OR3A2: variants seen among roughly 807,000 people sequenced by gnomAD.
The protein encoded by OR3A2 is olfactory receptor 3A2.
For missense variants in OR3A2, 318 were observed against 392.8 expected (o/e 0.81, Z 1.61); for synonymous variants, 126 against 159.3 (o/e 0.79, Z 1.57).
At chr17:3,326,068 G>T (rs1371072145) in intron 3 of OR3A2, among the ~76,000 whole-genome samples, 1 of 152,034 alleles carries the variant, frequency 6.6e-6, no homozygotes, top group Non-Finnish European at 1.5e-5. Flanking sequence ...GCATTAGTTT[G>T]CTAAGGATAA....
chr17:3,371,599 T>C (rs1228135501), intron 2 of OR3A2, among the ~76,000 whole-genome samples: 39 of 93,510 alleles, frequency 4.2e-4, no homozygotes, highest in South Asian at 1.2e-3. Context: ...CCGGACGGGG[T>C]GGCTGGCCGG....
intron 3 of OR3A2, chr17:3,309,943 A>G (rs758065395): frequency 5.3e-5 from 11 of 208,584 alleles, no homozygotes; most frequent in South Asian, 8.9e-5. Flanking sequence ...GTGTACCTCA[A>G]CTATGGCCAT....
intron 2 of OR3A2, among the ~76,000 whole-genome samples, chr17:3,367,183 G>T (rs910952273): frequency 6.6e-6 from 1 of 152,020 alleles, no homozygotes; most frequent in Non-Finnish European, 1.5e-5. Flanking sequence ...CAAGTTCTGT[G>T]ACTTTTGGCA....
At chr17:3,348,001 G>A (rs1245196065) in intron 2 of OR3A2, among the ~76,000 whole-genome samples, 11 of 152,098 alleles carry the variant, frequency 7.2e-5, no homozygotes, top group Non-Finnish European at 1.3e-4. Flanking sequence ...GCCAGTGATG[G>A]TGAGCATTTT....
At chr17:3,282,375 C>T (rs528300661) in intron 1 of OR3A2, among the ~76,000 whole-genome samples, 12 of 152,030 alleles carry the variant, frequency 7.9e-5, no homozygotes, top group South Asian at 6.2e-4. Flanking sequence ...CACTGCACTC[C>T]GGCCTGGGCG....
intron 3 of OR3A2, among the ~76,000 whole-genome samples, chr17:3,322,308 C>G (rs1567554163): frequency 6.6e-6 from 1 of 151,816 alleles, no homozygotes; most frequent in South Asian, 2.1e-4. Flanking sequence ...TTTTGTTGAT[C>G]TTTTCAAAAA....
At chr17:3,305,070 G>A (rs966309883) in intron 3 of OR3A2, among the ~76,000 whole-genome samples, 1 of 152,180 alleles carries the variant, frequency 6.6e-6, no homozygotes, top group African/African-American at 2.4e-5. Context: ...TTTGGTAAGT[G>A]TATGCATTTG....
At chr17:3,310,883 C>T (rs756724168) in intron 3 of OR3A2, 2 of 967,496 alleles carry the variant, frequency 2.1e-6, no homozygotes, top group Non-Finnish European at 1.5e-6. Flanking sequence ...TCCAGCTCTC[C>T]TGCTCCAGTG....
chr17:3,319,694 A>AG (rs1223326746), intron 3 of OR3A2, among the ~76,000 whole-genome samples: 4 of 152,204 alleles, frequency 2.6e-5, no homozygotes, highest in South Asian at 4.1e-4. Context: ...GTCCCTACAA[A>AG]GGACATGAAC....
intron 2 of OR3A2, among the ~76,000 whole-genome samples, chr17:3,342,627 T>C (rs1035945305): frequency 3.3e-5 from 5 of 152,142 alleles, no homozygotes; most frequent in African/African-American, 9.7e-5. Flanking sequence ...ACAGCAAATA[T>C]TGCTGCCCGA....
At chr17:3,317,282 C>T (rs2049088023) in intron 3 of OR3A2, among the ~76,000 whole-genome samples, 1 of 152,142 alleles carries the variant, frequency 6.6e-6, no homozygotes, top group Non-Finnish European at 1.5e-5. Flanking sequence ...GAAACATCAG[C>T]CAGAAAATAT....
chr17:3,347,234 GTCT>G (rs1482549552), intron 2 of OR3A2, among the ~76,000 whole-genome samples: 5 of 79,918 alleles, frequency 6.3e-5, no homozygotes, highest in Non-Finnish European at 8.5e-5. Flanking sequence ...CCATTTGTAT[GTCT>G]TCTTTTTTTT....
chr17:3,326,140 A>G (rs1442869271), intron 3 of OR3A2, among the ~76,000 whole-genome samples: 1 of 152,114 alleles, frequency 6.6e-6, no homozygotes, highest in Admixed American at 6.6e-5. Flanking sequence ...CTATGGCTGC[A>G]TAGTATATCA....
At chr17:3,376,553 T>A (rs1314313424) in intron 2 of OR3A2, among the ~76,000 whole-genome samples, 1 of 152,024 alleles carries the variant, frequency 6.6e-6, no homozygotes, top group Non-Finnish European at 1.5e-5. Flanking sequence ...ATCATACATA[T>A]CACCAGGGAA....
In OR3A2 at chr17:3,277,646, A is replaced by G. The variant is rs916557125; in HGVS notation, c.*324T>C. ...CATATTAACATCTTTGTTCATCTCT[A>G]TAGAAACTATCATCATGTGGTATAT... On this transcript the variant is annotated 3_prime_UTR_variant, in exon 2 of 2. Coordinates refer to ENST00000642052, the Ensembl canonical transcript of OR3A2. 8 of 224,438 alleles carry G rather than the reference A, an allele frequency of 3.6e-5. No homozygotes were observed. In the East Asian group the frequency reaches 3.7e-4, roughly 10 times the overall value. 13.9% of individuals were successfully genotyped at this position (224,438 alleles called of 1,614,324 possible).
At chr17:3,315,884 C>G (rs2049079415) in intron 3 of OR3A2, among the ~76,000 whole-genome samples, 1 of 152,040 alleles carries the variant, frequency 6.6e-6, no homozygotes, top group Non-Finnish European at 1.5e-5. Flanking sequence ...AACACAAGCC[C>G]ACCTTGTTCA....
intron 2 of OR3A2, among the ~76,000 whole-genome samples, chr17:3,337,323 G>A (rs528113280): frequency 1.1e-4 from 17 of 152,146 alleles, no homozygotes; most frequent in Non-Finnish European, 2.2e-4. Context: ...TGTGCACAAC[G>A]TGCAGGTTTG....
Position 3,292,490 on chromosome 17 carries a change from A to G in OR3A2, c.-84-13337T>C, listed in dbSNP as rs751160147. The G allele has an allele frequency of 4.4e-5, 71 of 1,613,788 alleles. 1 individual carries two copies. In the South Asian group the frequency reaches 7.5e-4, roughly 17 times the overall value. On this transcript the variant is annotated intron_variant, in intron 3 of 4. Coordinates refer to the OR3A2 transcript ENST00000573491. ...CCAGGTAGGCAAAGAGGAAGAGCAC[A>G]AAGACAACTGGCTGCAGCCCTGGCG...
At chr17:3,319,076 A>G (rs957225041) in intron 3 of OR3A2, among the ~76,000 whole-genome samples, 3 of 152,186 alleles carry the variant, frequency 2.0e-5, no homozygotes, top group African/African-American at 7.2e-5. Flanking sequence ...CATGGTGTAC[A>G]CTGGTGAATA....
Sources: gnomAD v4.1 joint callset for allele counts (sites outside exome capture counted in the v4.1 genomes callset) on GRCh38, gnomAD v4.1.1 for gene constraint, MANE v1.5 for transcripts, NCBI Gene and HGNC (gene_info 2026-07-23, HGNC 2026-07-21) for gene names.